The following SLTM variants were observed in gnomAD, a reference collection of about 807,000 sequenced individuals.
SLTM encodes the protein SAFB-like transcription modulator.
Under a neutral mutation model 134.6 loss-of-function variants are expected in SLTM, and 43 were observed. The ratio of observed to expected loss-of-function variants is 0.32; its 90% CI spans 0.25 to 0.41. The LOEUF (loss-of-function observed/expected upper bound fraction) is 0.41. Ranked by LOEUF, SLTM falls within the 10% of genes least tolerant of loss-of-function variation. The pLI, the probability that SLTM is intolerant of heterozygous loss-of-function variation, is 1.00. For missense variants in SLTM, 1,055 were observed against 1,288.8 expected (o/e 0.82, Z 2.78); for synonymous variants, 424 against 432.3 (o/e 0.98, Z 0.24).
At chr15:58,882,216 G>C (rs1222628527) in intron 20 of SLTM, among the ~76,000 whole-genome samples, 3 of 118,490 alleles carry the variant, frequency 2.5e-5, no homozygotes, top group Non-Finnish European at 5.3e-5. Flanking sequence ...ATTTATACTA[G>C]GAATGAAGAA....
chr15:58,886,894 T>C, intron 19 of SLTM, 81 bp downstream of exon 19: 1 of 1,514,594 alleles, frequency 6.6e-7, no homozygotes, highest in Non-Finnish European at 9.1e-7. Context: ...CACATCAAAA[T>C]GCTACTGTAT....
chr15:58,913,191 G>C (rs554647323), intron 4 of SLTM, among the ~76,000 whole-genome samples: 3 of 152,108 alleles, frequency 2.0e-5, no homozygotes, highest in Non-Finnish European at 2.9e-5. Flanking sequence ...AATTAAAGGA[G>C]TGTCTATTAG....
chr15:58,901,206 A>G, intron 6 of SLTM, 54 bp downstream of exon 6: 1 of 1,369,848 alleles, frequency 7.3e-7, no homozygotes, highest in Non-Finnish European at 1.0e-6. Context: ...CTTTTTACAT[A>G]ATTTACTGTT....
At chr15:58,915,117 G>C (rs552364021) in intron 3 of SLTM, among the ~76,000 whole-genome samples, 2 of 152,106 alleles carry the variant, frequency 1.3e-5, no homozygotes, top group Non-Finnish European at 2.9e-5. Context: ...CTTGAACCTG[G>C]GAGGTGGAGG....
chr15:58,931,852 T>C lies in SLTM; in HGVS notation c.250+504A>G, dbSNP rs567152190. On this transcript the variant is annotated intron_variant, in intron 2 of 20. Transcript: ENST00000380516. ...TTTCCCTCTACCTTGTTAGTATGAT[T>C]GGTGAGGTCTTTTTGAATTTCACTA... 4.6e-5 allele frequency among the ~76,000 whole-genome samples: 7 copies of C among 152,360 alleles called. No individual in the cohort carries two copies. In the South Asian group the frequency reaches 1.4e-3, roughly 32 times the overall value.
At chr15:58,916,659 G>A (rs1377708495) in intron 3 of SLTM, 3 of 255,502 alleles carry the variant, frequency 1.2e-5, no homozygotes, top group Non-Finnish European at 2.3e-5. Flanking sequence ...CAATTGTCTC[G>A]TAGCTATTCC....
At chr15:58,894,390 C>T (rs769380874) in intron 10 of SLTM, 43 bp downstream of exon 10, 13 of 1,606,056 alleles carry the variant, frequency 8.1e-6, no homozygotes, top group Non-Finnish European at 1.1e-5. Context: ...GAGAACTAGC[C>T]ATCAAATTAG....
chr15:58,888,553 C>T lies in SLTM; in HGVS notation c.2207G>A (p.Arg736Gln), dbSNP rs749642642. 2.5e-5 allele frequency: 41 copies of T among 1,609,654 alleles called. No individual in the cohort carries two copies. Among genetic ancestry groups the T allele is most frequent in the Middle Eastern group, 1.6e-4 (1 of 6,074 alleles). The change falls in exon 17 of 21, where the codon CGA becomes CAA. Residue 736 changes from arginine (R) to glutamine (Q), a missense_variant and splice_region_variant. Arg to Gln is a conservative substitution (Grantham distance 43, BLOSUM62 1). Around this residue, in one of 3 missense-constraint regions of SLTM, gnomAD observed 776 missense variants for 962.2 expected, o/e 0.81. Transcript: ENST00000380516. ...ATTCTCGCTCCAGTAAGGATCATCTCGCCTTGAAGAGAAATATTTGCTTAT... is the reference window on the plus strand; with the variant it reads ...ATTCTCGCTCCAGTAAGGATCATCTTGCCTTGAAGAGAAATATTTGCTTAT... The part of the protein sequence containing the change: ...LKRPRDVDHR[R>Q]DDPYWSENKK...
chr15:58,912,104 T>G (rs1414280396), intron 5 of SLTM, among the ~76,000 whole-genome samples: 3 of 151,052 alleles, frequency 2.0e-5, no homozygotes, highest in Admixed American at 1.3e-4. Context: ...CCAATAGTTT[T>G]TTTTTTTTTT....
intron 20 of SLTM, among the ~76,000 whole-genome samples, chr15:58,883,157 A>C (rs2140928774): frequency 6.6e-6 from 1 of 152,248 alleles, no homozygotes; most frequent in South Asian, 2.1e-4. Context: ...TCTACTAAAA[A>C]TATAAAAATT....
intron 16 of SLTM, among the ~76,000 whole-genome samples, chr15:58,888,985 C>T (rs1277398809): frequency 6.6e-6 from 1 of 150,682 alleles, no homozygotes; most frequent in South Asian, 2.1e-4. Flanking sequence ...TATTTCTCTA[C>T]ACAATCAACT....
chr15:58,907,504 C>T (rs1365342468), intron 5 of SLTM, among the ~76,000 whole-genome samples: 2 of 152,104 alleles, frequency 1.3e-5, no homozygotes, highest in Non-Finnish European at 2.9e-5. Flanking sequence ...CGCCTGTAGT[C>T]CCAGCTACCA....
chr15:58,901,065 C>A, intron 6 of SLTM, 195 bp downstream of exon 6: 1 of 556,798 alleles, frequency 1.8e-6, no homozygotes, highest in South Asian at 2.1e-5. Context: ...TATTAAGTTG[C>A]AATATATCTT....
At chr15:58,897,506 T>C (rs542163324) in intron 8 of SLTM, 2 of 293,002 alleles carry the variant, frequency 6.8e-6, no homozygotes, top group South Asian at 1.1e-4. Flanking sequence ...TCAGTTTTAA[T>C]AATTTATAGT....
chr15:58,923,738 G>A (rs191181859), intron 2 of SLTM, among the ~76,000 whole-genome samples: 7 of 148,494 alleles, frequency 4.7e-5, no homozygotes, highest in African/African-American at 1.2e-4. Context: ...GCAAAACTGT[G>A]AAAGTGGCAT....
At chr15:58,885,010 T>C (rs2034064687) in intron 19 of SLTM, among the ~76,000 whole-genome samples, 1 of 152,220 alleles carries the variant, frequency 6.6e-6, no homozygotes, top group African/African-American at 2.4e-5. Flanking sequence ...TTGGATCTTA[T>C]ATTGACTGTA....
At chr15:58,891,281 G>C in intron 14 of SLTM, among the ~76,000 whole-genome samples, 1 of 152,176 alleles carries the variant, frequency 6.6e-6, no homozygotes, top group East Asian at 1.9e-4. Context: ...GCATGGAATA[G>C]TGAGGATAGT....
intron 2 of SLTM, chr15:58,921,384 C>G (rs1459637133): frequency 5.9e-6 from 1 of 170,694 alleles, no homozygotes; most frequent in African/African-American, 2.4e-5. Context: ...AATATTATCT[C>G]TTTTAGTGTA....
At chr15:58,898,374 AAAAG>A (rs2035244084) in intron 8 of SLTM, 2 of 152,744 alleles carry the variant, frequency 1.3e-5, no homozygotes, top group Non-Finnish European at 2.9e-5. Flanking sequence ...GAATTTAAAA[AAAAG>A]AAAAAAGAAC....
Sources: allele counts gnomAD v4.1 joint callset (sites outside exome capture counted in the v4.1 genomes callset), GRCh38; gene constraint gnomAD v4.1.1; regional missense constraint gnomAD v4.1.1; transcripts MANE v1.5; gene names NCBI Gene and HGNC (gene_info 2026-07-23, HGNC 2026-07-21).